The following ARHGEF17 variants were observed in gnomAD, a reference collection of about 807,000 sequenced individuals.
The protein encoded by ARHGEF17 is Rho guanine nucleotide exchange factor 17.
A neutral mutation model predicts 174.0 loss-of-function variants in ARHGEF17; 80 were observed. The ratio of observed to expected loss-of-function variants is 0.46; its 90% CI spans 0.38 to 0.55. The LOEUF is 0.55. Among genes scored for constraint, ARHGEF17 ranks in the 20% least tolerant of loss-of-function variants. The pLI, the probability that ARHGEF17 is intolerant of heterozygous loss-of-function variation, is 0.00. For missense variants in ARHGEF17, 2,886 were observed against 2,839.7 expected (o/e 1.02, Z -0.37); for synonymous variants, 1,311 against 1,189.1 (o/e 1.10, Z -2.11).
chr11:73,364,706 C>A, intron 18 of ARHGEF17, 106 bp downstream of exon 18: 2 of 1,418,994 alleles, frequency 1.4e-6, no homozygotes, highest in Non-Finnish European at 9.3e-7. Flanking sequence ...CAGCAGAGGG[C>A]TAGGGCCTTC....
intron 1 of ARHGEF17, among the ~76,000 whole-genome samples, chr11:73,320,660 GAT>G (rs1491352198): frequency 1.7e-4 from 24 of 140,524 alleles, no homozygotes; most frequent in African/African-American, 6.4e-4. Context: ...AGATGATGAT[GAT>G]TTTTTTTTTT....
chr11:73,331,862 G>T (rs541489995), intron 1 of ARHGEF17, among the ~76,000 whole-genome samples: 1 of 152,154 alleles, frequency 6.6e-6, no homozygotes, highest in Non-Finnish European at 1.5e-5. Flanking sequence ...TGAATGGGAG[G>T]TGGAGGAAAT....
rs535011260 is a variant in ARHGEF17, at chr11:73,363,932, C to G, written c.5333+99C>G. 8 of 1,344,788 alleles carry G rather than the reference C, an allele frequency of 5.9e-6. No homozygotes were observed. The South Asian group carries it at 7.5e-5, about 13-fold the overall frequency. The allele number at this position is 1,344,788 out of a possible 1,614,324, so 83.3% of individuals were successfully genotyped here. ...GTCCCCCTGCTCTACTGTCCCTCCTCTGTGTGGAGGCTGGAAGCCAGAGGC... is the reference window on the plus strand; with the variant it reads ...GTCCCCCTGCTCTACTGTCCCTCCTGTGTGTGGAGGCTGGAAGCCAGAGGC... On this transcript the variant is annotated intron_variant, in intron 16 of 20. Transcript: ENST00000263674.
intron 1 of ARHGEF17, among the ~76,000 whole-genome samples, chr11:73,327,164 A>T (rs184378772): frequency 6.6e-6 from 1 of 152,232 alleles, no homozygotes; most frequent in African/African-American, 2.4e-5. Context: ...GATCAGAAGG[A>T]CAAACTGTTG....
chr11:73,348,685 A>C (rs1865503921), intron 2 of ARHGEF17, among the ~76,000 whole-genome samples: 2 of 152,204 alleles, frequency 1.3e-5, no homozygotes, highest in South Asian at 4.1e-4. Flanking sequence ...CAGGATAAAA[A>C]GAGTTTTAGA....
At position 73,355,669 on chromosome 11, in the gene ARHGEF17, G is replaced by T; in HGVS notation, c.3570+20G>T. The T allele has an allele frequency of 6.2e-7, 1 of 1,607,234 alleles. No homozygotes were observed. The highest frequency in any genetic ancestry group is 1.1e-5 in the South Asian group (1 of 90,926). Reference sequence around the variant, plus strand: ...CTAGAGGTACTGTGGGCTAGGGCAGGGGGATGGAGGTGACCCTCACCTTGG... The same window carrying T: ...CTAGAGGTACTGTGGGCTAGGGCAGTGGGATGGAGGTGACCCTCACCTTGG... On this transcript the variant is annotated intron_variant, in intron 4 of 20. Transcript: ENST00000263674.
rs1484271059 is a variant in ARHGEF17, at chr11:73,310,411, T to A, written c.1773T>A (p.Tyr591Ter). 6.2e-7 allele frequency: 1 copy of A among 1,613,812 alleles called. No individual in the cohort carries two copies. The highest frequency in any genetic ancestry group is 8.5e-7 in the Non-Finnish European group (1 of 1,180,014). Residue 591 changes from tyrosine to a stop codon, truncating the protein, a stop_gained, in exon 1 of 21, where the codon TAT becomes TAA. Coordinates refer to ENST00000263674, the MANE Select transcript of ARHGEF17 (RefSeq NM_014786.4). LOFTEE classifies it high-confidence loss of function. ...TGCCCCTCATCGTCCAGGACCAATA[T>A]GTGCAGGAGGCCCGCCAGGTTTTTG... ...DPLPLIVQDQ[Y>*]VQEARQVFEK...
intron 1 of ARHGEF17, among the ~76,000 whole-genome samples, chr11:73,338,231 C>A (rs1033017169): frequency 6.6e-6 from 1 of 152,094 alleles, no homozygotes; most frequent in African/African-American, 2.4e-5. Flanking sequence ...CAAGCAGGAA[C>A]AGATGGAGAG....
chr11:73,354,331 G>T (rs946582308), intron 3 of ARHGEF17, among the ~76,000 whole-genome samples: 4 of 152,340 alleles, frequency 2.6e-5, no homozygotes, highest in South Asian at 4.1e-4. Context: ...GTCCCAGGGT[G>T]GGGGTGGTTG....
At chr11:73,334,856 T>C (rs1375670535) in intron 1 of ARHGEF17, among the ~76,000 whole-genome samples, 3 of 152,092 alleles carry the variant, frequency 2.0e-5, no homozygotes, top group Non-Finnish European at 4.4e-5. Flanking sequence ...CCCTGCAGGC[T>C]GGGGAACTGG....
At position 73,320,942 on chromosome 11, in the gene ARHGEF17, A is replaced by G. The variant is rs377343918; in HGVS notation, c.3192+9112A>G. 9.2e-5 allele frequency among the ~76,000 whole-genome samples: 14 copies of G among 152,308 alleles called. No individual in the cohort carries two copies. The East Asian group carries it at 2.3e-3, about 25-fold the overall frequency. On this transcript the variant is annotated intron_variant, in intron 1 of 20. Transcript: ENST00000263674. ...CTCCCAAAGTGCTGGGATGATGGACATGAGCCACCGCACCCAGCCTACTGC... is the reference window on the plus strand; with the variant it reads ...CTCCCAAAGTGCTGGGATGATGGACGTGAGCCACCGCACCCAGCCTACTGC...
chr11:73,347,964 G>A (rs473469), intron 2 of ARHGEF17, among the ~76,000 whole-genome samples: 17,951 of 152,164 alleles, frequency 0.12, 1,417 homozygotes, highest in South Asian at 0.3. Flanking sequence ...TCCTGGCCTC[G>A]GATAGGTGGG....
intron 10 of ARHGEF17, 144 bp from the exon 11 acceptor site, chr11:73,360,176 C>T: frequency 1.0e-6 from 1 of 965,320 alleles, no homozygotes; most frequent in Non-Finnish European, 1.5e-6. Flanking sequence ...GGCCCCATCC[C>T]CCATATATCA....
intron 1 of ARHGEF17, among the ~76,000 whole-genome samples, chr11:73,328,676 A>G (rs1243198753): frequency 6.6e-6 from 1 of 152,252 alleles, no homozygotes; most frequent in African/African-American, 2.4e-5. Context: ...GAAGAGGGAA[A>G]GCAAAGACAA....
intron 1 of ARHGEF17, among the ~76,000 whole-genome samples, chr11:73,328,327 G>T (rs1255782207): frequency 3.9e-5 from 6 of 152,206 alleles, no homozygotes; most frequent in African/African-American, 1.4e-4. Context: ...AGTTTTGCTA[G>T]CAGAAATCCC....
intron 1 of ARHGEF17, among the ~76,000 whole-genome samples, chr11:73,341,426 C>T (rs1865366521): frequency 6.6e-6 from 1 of 152,156 alleles, no homozygotes; most frequent in South Asian, 2.1e-4. Flanking sequence ...CCTGCCTCAG[C>T]CTCCCGAGTA....
chr11:73,318,866 G>T (rs1864970064), intron 1 of ARHGEF17, among the ~76,000 whole-genome samples: 3 of 152,196 alleles, frequency 2.0e-5, no homozygotes, highest in Non-Finnish European at 2.9e-5. Flanking sequence ...CCAGTCTGGA[G>T]ATCAAAAGTC....
rs1415922419 is a variant in ARHGEF17 at position 73,364,154 on chromosome 11, C to T, written c.5334-18C>T. On this transcript the variant is annotated intron_variant, in intron 16 of 20. Coordinates refer to ENST00000263674, the MANE Select transcript of ARHGEF17 (RefSeq NM_014786.4). ...GGCTGCCTGAACTCCCTTACTGCTT[C>T]CTCTTTTCCCTACCCAGGTATCTGA... The T allele has an allele frequency of 1.9e-6, 3 of 1,613,860 alleles. No individual in the cohort carries two copies. Among genetic ancestry groups the T allele is most frequent in the Non-Finnish European group, 2.5e-6 (3 of 1,179,952 alleles).
At chr11:73,363,090 A>G in intron 14 of ARHGEF17, 116 bp from the exon 15 acceptor site, 1 of 1,373,968 alleles carries the variant, frequency 7.3e-7, no homozygotes, top group Non-Finnish European at 9.7e-7. Context: ...CCGGGGAAGA[A>G]CAGCTTTGAG....
Sources: allele counts gnomAD v4.1 joint callset (sites outside exome capture counted in the v4.1 genomes callset), GRCh38; gene constraint gnomAD v4.1.1; transcripts MANE v1.5; gene names NCBI Gene and HGNC (gene_info 2026-07-23, HGNC 2026-07-21).